DCC: variants seen among roughly 807,000 people sequenced by gnomAD.
DCC encodes DCC netrin 1 receptor, also known as netrin receptor DCC.
DCC carries 58 observed loss-of-function variants against 172.5 expected under a neutral mutation model. That is an observed-to-expected ratio of 0.34 (90% CI 0.27 to 0.42). The LOEUF (loss-of-function observed/expected upper bound fraction) is 0.42, where lower values mean the gene tolerates loss of function less well. Among genes scored for constraint, DCC ranks in the 10% least tolerant of loss-of-function variants. The pLI is 1.00. For synonymous variants in DCC, 709 were observed against 644.5 expected, an observed-to-expected ratio of 1.10 and a Z score of -1.52; for missense variants, 1,740 against 1,791.0, an observed-to-expected ratio of 0.97 and a Z score of 0.51.
At chr18:53,282,748 A>G (rs1224868561) in intron 12 of DCC, among the ~76,000 whole-genome samples, 1 of 152,116 alleles carries the variant, frequency 6.6e-6, no homozygotes, top group Non-Finnish European at 1.5e-5. Flanking sequence ...ATCTGTTTTT[A>G]TCTCTCAGTT....
intron 1 of DCC, among the ~76,000 whole-genome samples, chr18:52,524,693 A>G (rs2031925359): frequency 6.6e-6 from 1 of 152,198 alleles, no homozygotes. Context: ...AGTGGAGCCA[A>G]AGGGAGTGCA....
intron 2 of DCC, among the ~76,000 whole-genome samples, chr18:52,804,804 G>A (rs951807701): frequency 2.0e-5 from 3 of 152,014 alleles, no homozygotes; most frequent in Non-Finnish European, 2.9e-5. Context: ...GGATGATGTC[G>A]ATCTCCTGAC....
At chr18:52,982,562 G>GC (rs199498523) in intron 5 of DCC, among the ~76,000 whole-genome samples, 2,122 of 152,148 alleles carry the variant, frequency 0.014, 57 homozygotes, top group African/African-American at 0.049. Context: ...GTTCTGGGAG[G>GC]TGTACTGTGC....
intron 1 of DCC, among the ~76,000 whole-genome samples, chr18:52,685,656 G>T (rs1407832851): frequency 9.2e-5 from 14 of 152,056 alleles, no homozygotes; most frequent in Non-Finnish European, 2.1e-4. Context: ...CTGGCCATGG[G>T]AAATAGCATA....
At chr18:52,492,662 C>A (rs965192303) in intron 1 of DCC, among the ~76,000 whole-genome samples, 20 of 151,958 alleles carry the variant, frequency 1.3e-4, no homozygotes, top group Admixed American at 1.1e-3. Flanking sequence ...AGACATAATA[C>A]TTTGCCATAA....
At chr18:53,099,662 A>T (rs2043135645) in intron 7 of DCC, among the ~76,000 whole-genome samples, 1 of 152,136 alleles carries the variant, frequency 6.6e-6, no homozygotes, top group African/African-American at 2.4e-5. Flanking sequence ...GATTGACAAC[A>T]GGTAGGGATT....
intron 1 of DCC, among the ~76,000 whole-genome samples, chr18:52,506,303 C>A (rs1057008179): frequency 6.6e-6 from 1 of 151,996 alleles, no homozygotes; most frequent in Non-Finnish European, 1.5e-5. Context: ...AATATAAAAT[C>A]CTTCATGTGA....
At chr18:53,276,448 CAT>C (rs1415620133) in intron 12 of DCC, among the ~76,000 whole-genome samples, 1 of 152,128 alleles carries the variant, frequency 6.6e-6, no homozygotes, top group Non-Finnish European at 1.5e-5. Context: ...AGTCAATAAA[CAT>C]AATCTGTTTC....
intron 1 of DCC, among the ~76,000 whole-genome samples, chr18:52,540,081 T>C (rs1207009476): frequency 3.3e-5 from 5 of 152,238 alleles, no homozygotes; most frequent in South Asian, 4.2e-4. Context: ...CAATGTTGGG[T>C]TTTTTCATTT....
At chr18:53,469,668 T>A (rs1240169810) in intron 25 of DCC, among the ~76,000 whole-genome samples, 2 of 152,176 alleles carry the variant, frequency 1.3e-5, no homozygotes, top group Non-Finnish European at 2.9e-5. Flanking sequence ...TTTTTTTTCC[T>A]TATTTATCAC....
intron 1 of DCC, among the ~76,000 whole-genome samples, chr18:52,510,806 G>T (rs779342646): frequency 1.3e-5 from 2 of 152,018 alleles, no homozygotes; most frequent in Non-Finnish European, 2.9e-5. Context: ...AATCTCTGAC[G>T]GTGTCCCACA....
chr18:53,160,468 C>T (rs2054818670), intron 8 of DCC, among the ~76,000 whole-genome samples: 1 of 152,158 alleles, frequency 6.6e-6, no homozygotes, highest in Non-Finnish European at 1.5e-5. Flanking sequence ...TGCTGACTTG[C>T]ATCAATGTTT....
rs145787214 is a variant in DCC, at chr18:53,084,742, C to G, written c.1261+18576C>G. Among the ~76,000 whole-genome samples, 144 of 152,288 alleles carry G rather than the reference C, an allele frequency of 9.5e-4. 2 individuals are homozygous for G. The East Asian group carries it at 0.027, about 28-fold the overall frequency. ...TTTGCCTAGAGGACATGCGAGACCT[C>G]TAACCCAAAGACTATACAATAACAA... On this transcript the variant is annotated intron_variant, in intron 7 of 28. Transcript: ENST00000442544.
chr18:53,433,255 A>G (rs775657705), intron 21 of DCC, among the ~76,000 whole-genome samples: 20 of 152,130 alleles, frequency 1.3e-4, no homozygotes, highest in Non-Finnish European at 2.6e-4. Context: ...GCCTCACTAA[A>G]TCTAAGGGGT....
At chr18:52,658,734 T>G (rs940159157) in intron 1 of DCC, among the ~76,000 whole-genome samples, 1 of 152,250 alleles carries the variant, frequency 6.6e-6, no homozygotes, top group Non-Finnish European at 1.5e-5. Context: ...GCTTTTTCTG[T>G]ATAGTAGTTG....
At chr18:52,772,005 C>T (rs748908847) in intron 2 of DCC, among the ~76,000 whole-genome samples, 2 of 152,052 alleles carry the variant, frequency 1.3e-5, no homozygotes, top group Non-Finnish European at 2.9e-5. Context: ...CATGTTTACA[C>T]GAGATAACAC....
chr18:52,801,702 C>A (rs1198253911), intron 2 of DCC, among the ~76,000 whole-genome samples: 1 of 152,086 alleles, frequency 6.6e-6, no homozygotes, highest in Non-Finnish European at 1.5e-5. Flanking sequence ...TCTAGGAACC[C>A]CTTCATTTTG....
At chr18:53,005,230 A>G (rs1282765625) in intron 5 of DCC, among the ~76,000 whole-genome samples, 1 of 152,198 alleles carries the variant, frequency 6.6e-6, no homozygotes, top group East Asian at 1.9e-4. Flanking sequence ...TGACCATAGT[A>G]AAAAATAATT....
chr18:52,834,087 A>C (rs781224792), intron 2 of DCC, among the ~76,000 whole-genome samples: 10 of 152,138 alleles, frequency 6.6e-5, no homozygotes, highest in Non-Finnish European at 1.3e-4. Flanking sequence ...CACTGTGTGG[A>C]GGAGGGCAGA....
Sources: allele counts gnomAD v4.1 joint callset (sites outside exome capture counted in the v4.1 genomes callset), GRCh38; gene constraint gnomAD v4.1.1; transcripts MANE v1.5; gene names NCBI Gene and HGNC (gene_info 2026-07-23, HGNC 2026-07-21).